MCTP1: variants seen among roughly 807,000 people sequenced by gnomAD.
MCTP1 encodes the protein multiple C2 and transmembrane domain-containing protein 1.
MCTP1 carries 69 observed loss-of-function variants against 120.6 expected under a neutral mutation model. That is an observed-to-expected ratio of 0.57 (90% CI 0.47 to 0.70). The LOEUF is 0.70. Among genes scored for constraint, MCTP1 ranks in the 30% least tolerant of loss-of-function variants. The pLI is 0.00. For synonymous variants in MCTP1, 529 were observed against 493.1 expected, an observed-to-expected ratio of 1.07 and a Z score of -0.96; for missense variants, 1,203 against 1,248.8, an observed-to-expected ratio of 0.96 and a Z score of 0.55.
chr5:95,154,660 T>C (rs976694249), intron 1 of MCTP1, among the ~76,000 whole-genome samples: 1 of 152,166 alleles, frequency 6.6e-6, no homozygotes, highest in African/African-American at 2.4e-5. Flanking sequence ...ATCCTATAAC[T>C]GAAATTGTGT....
intron 1 of MCTP1, among the ~76,000 whole-genome samples, chr5:95,113,190 A>C (rs956756005): frequency 6.6e-6 from 1 of 152,082 alleles, no homozygotes; most frequent in Admixed American, 6.5e-5. Context: ...AGCCTCTATA[A>C]CTAAAAAATT....
At chr5:95,175,441 G>A (rs1747849269) in intron 1 of MCTP1, among the ~76,000 whole-genome samples, 1 of 152,132 alleles carries the variant, frequency 6.6e-6, no homozygotes, top group Non-Finnish European at 1.5e-5. Context: ...AACAAACATT[G>A]GTACCCTTTC....
intron 1 of MCTP1, among the ~76,000 whole-genome samples, chr5:95,174,978 A>G (rs1283290030): frequency 1.3e-5 from 2 of 151,890 alleles, no homozygotes; most frequent in East Asian, 1.9e-4. Flanking sequence ...AACATTTATT[A>G]TATTGGCACA....
At chr5:94,709,925 T>C (rs1200966436) in intron 21 of MCTP1, 1 of 152,062 alleles carries the variant, frequency 6.6e-6, no homozygotes, top group Non-Finnish European at 1.5e-5. Context: ...TATTCCAACA[T>C]ATTTCTTCAA....
intron 17 of MCTP1, among the ~76,000 whole-genome samples, chr5:94,824,674 T>C (rs1395367854): frequency 6.6e-6 from 1 of 152,164 alleles, no homozygotes; most frequent in Non-Finnish European, 1.5e-5. Context: ...TCATGGGCTT[T>C]TTTTGGTTGG....
intron 1 of MCTP1, among the ~76,000 whole-genome samples, chr5:95,239,158 G>A (rs1410935941): frequency 6.6e-6 from 1 of 152,132 alleles, no homozygotes; most frequent in Non-Finnish European, 1.5e-5. Flanking sequence ...CCCTCCAGTG[G>A]CAAAATTCTG....
intron 1 of MCTP1, among the ~76,000 whole-genome samples, chr5:95,235,527 T>C (rs1268991777): frequency 1.3e-5 from 2 of 152,018 alleles, no homozygotes; most frequent in African/African-American, 2.4e-5. Context: ...ACACTTTCTT[T>C]CTTTCTTTCC....
At chr5:94,988,436 CAA>C (rs1201381249) in intron 2 of MCTP1, among the ~76,000 whole-genome samples, 2 of 151,934 alleles carry the variant, frequency 1.3e-5, no homozygotes, top group African/African-American at 4.8e-5. Context: ...CTATTGTATT[CAA>C]AGACTGCTAC....
intron 19 of MCTP1, among the ~76,000 whole-genome samples, chr5:94,743,828 A>T (rs1460375503): frequency 2.0e-5 from 3 of 150,290 alleles, no homozygotes; most frequent in Non-Finnish European, 4.4e-5. Flanking sequence ...TTTAGTAGAG[A>T]CGGGGTTTCA....
intron 19 of MCTP1, among the ~76,000 whole-genome samples, chr5:94,727,656 C>T (rs1177029519): frequency 6.6e-6 from 1 of 152,104 alleles, no homozygotes; most frequent in East Asian, 1.9e-4. Flanking sequence ...GTCTTAAGAA[C>T]AAATCAGGAT....
chr5:95,087,817 C>G (rs1755547679), intron 1 of MCTP1, among the ~76,000 whole-genome samples: 1 of 152,124 alleles, frequency 6.6e-6, no homozygotes, highest in African/African-American at 2.4e-5. Flanking sequence ...CTTCTGATTC[C>G]ATGCTCATCA....
chr5:95,150,184 C>T (rs1299715253), intron 1 of MCTP1, among the ~76,000 whole-genome samples: 2 of 152,138 alleles, frequency 1.3e-5, no homozygotes, highest in Non-Finnish European at 2.9e-5. Context: ...AGCATCTCTT[C>T]CCCATATTTG....
At position 94,898,372 on chromosome 5, in the gene MCTP1, T is replaced by C. The variant is rs538618711; in HGVS notation, c.1653-3537A>G. 1.5e-4 allele frequency among the ~76,000 whole-genome samples: 23 copies of C among 152,372 alleles called. No individual in the cohort carries two copies. In the East Asian group the frequency reaches 4.2e-3, roughly 28 times the overall value. ...ACTAAGCAAAGTTTTCTTGTTGGCT[T>C]GAGGATAAACTTAAAGCTTTACTGA... On this transcript the variant is annotated intron_variant, in intron 10 of 22. Transcript: ENST00000515393.
intron 2 of MCTP1, among the ~76,000 whole-genome samples, chr5:94,965,707 C>T (rs1825427854): frequency 1.3e-5 from 2 of 152,236 alleles, no homozygotes; most frequent in South Asian, 4.2e-4. Context: ...ACATTTATTT[C>T]CCTTCCAAAA....
intron 1 of MCTP1, among the ~76,000 whole-genome samples, chr5:95,235,546 C>A (rs147495726): frequency 3.3e-5 from 5 of 151,910 alleles, no homozygotes; most frequent in African/African-American, 1.2e-4. Context: ...CCTTACTATG[C>A]TGGCTTAAAC....
chr5:94,926,634 A>C (rs1476279275), intron 6 of MCTP1, among the ~76,000 whole-genome samples: 1 of 152,178 alleles, frequency 6.6e-6, no homozygotes, highest in Non-Finnish European at 1.5e-5. Flanking sequence ...AGTTCCACTC[A>C]ATTTAATAAC....
rs146829564 is a variant in MCTP1, at chr5:95,217,847, C to G, written c.720+66009G>C. ...ATTTTGTACTTGAGGCCCCAGAGCA[C>G]ACTTTTGGATTAAAACCTAACTTGT... On this transcript the variant is annotated intron_variant, in intron 1 of 22. Transcript: ENST00000515393. Among the ~76,000 whole-genome samples, 873 of 152,274 alleles carry G rather than the reference C, an allele frequency of 5.7e-3. 10 individuals are homozygous for G. The highest frequency in any genetic ancestry group is 0.02 in the African/African-American group (832 of 41,532).
intron 1 of MCTP1, among the ~76,000 whole-genome samples, chr5:95,023,030 A>C (rs1838497895): frequency 1.3e-5 from 2 of 152,158 alleles, no homozygotes; most frequent in African/African-American, 4.8e-5. Flanking sequence ...CATGAGCCCG[A>C]TGGTAAGCAA....
chr5:95,203,169 C>G (rs1751260639), intron 1 of MCTP1, among the ~76,000 whole-genome samples: 1 of 152,206 alleles, frequency 6.6e-6, no homozygotes, highest in Non-Finnish European at 1.5e-5. Flanking sequence ...GATTGGATGG[C>G]TTCCATTTTG....
Sources: allele counts gnomAD v4.1 joint callset (sites outside exome capture counted in the v4.1 genomes callset), GRCh38; gene constraint gnomAD v4.1.1; transcripts MANE v1.5; gene names NCBI Gene and HGNC (gene_info 2026-07-23, HGNC 2026-07-21).